Variants in DCC observed in about 807,000 individuals in gnomAD.
The protein encoded by DCC is DCC netrin 1 receptor.
Under a neutral mutation model 172.5 loss-of-function variants are expected in DCC, and 58 were observed. The ratio of observed to expected loss-of-function variants is 0.34; its 90% confidence interval spans 0.27 to 0.42. DCC has a LOEUF of 0.42. Among genes scored for constraint, DCC ranks in the 10% least tolerant of loss-of-function variants. The pLI, the probability that DCC is intolerant of heterozygous loss-of-function variation, is 1.00. For missense variants in DCC, 1,740 were observed against 1,791.0 expected (o/e 0.97, Z 0.51); for synonymous variants, 709 against 644.5 (o/e 1.10, Z -1.52).
chr18:52,419,223 A>G (rs756193451), intron 1 of DCC: 1 of 152,064 alleles, frequency 6.6e-6, no homozygotes, highest in Non-Finnish European at 1.5e-5. Context: ...AATGCTATTT[A>G]CCATCATGTT....
At position 53,402,899 on chromosome 18, in the gene DCC, C is replaced by T. The variant is rs1909404518; in HGVS notation, c.2935+6C>T. ...AGCCAATGGGAAAATTACTGGTAAG[C>T]ATCTCCACTTTCTCTCCCAGCATAG... On this transcript the variant is annotated splice_donor_region_variant and intron_variant, in intron 19 of 28. Transcript: ENST00000442544. 3 of 1,590,002 alleles carry T rather than the reference C, an allele frequency of 1.9e-6. No homozygotes were observed. Among genetic ancestry groups the T allele is most frequent in the Non-Finnish European group, 2.6e-6 (3 of 1,158,056 alleles).
At chr18:53,514,185 C>G (rs1293330954) in intron 27 of DCC, among the ~76,000 whole-genome samples, 1 of 152,134 alleles carries the variant, frequency 6.6e-6, no homozygotes, top group Non-Finnish European at 1.5e-5. Flanking sequence ...ACTGAACAAC[C>G]TGCTCCTGAA....
At chr18:53,332,072 G>A (rs895458829) in intron 14 of DCC, among the ~76,000 whole-genome samples, 3 of 152,086 alleles carry the variant, frequency 2.0e-5, no homozygotes, top group African/African-American at 7.2e-5. Context: ...TGGAGGACAT[G>A]GGAGAAGAAA....
intron 2 of DCC, among the ~76,000 whole-genome samples, chr18:52,825,818 C>T (rs146009707): frequency 1.4e-4 from 21 of 152,240 alleles, no homozygotes; most frequent in African/African-American, 4.1e-4. Flanking sequence ...ATAAAAGTTG[C>T]GCTGTGCTCA....
intron 12 of DCC, among the ~76,000 whole-genome samples, chr18:53,225,901 T>G (rs774301420): frequency 6.6e-6 from 1 of 152,072 alleles, no homozygotes; most frequent in African/African-American, 2.4e-5. Context: ...GGGGGATTAA[T>G]AGTTTTTGCA....
intron 12 of DCC, among the ~76,000 whole-genome samples, chr18:53,270,409 G>C (rs1214014167): frequency 6.6e-6 from 1 of 152,030 alleles, no homozygotes; most frequent in Non-Finnish European, 1.5e-5. Context: ...CATATAGGAA[G>C]AATAGAGTAT....
At chr18:53,069,096 A>T (rs1200473746) in intron 7 of DCC, among the ~76,000 whole-genome samples, 1 of 152,048 alleles carries the variant, frequency 6.6e-6, no homozygotes, top group Non-Finnish European at 1.5e-5. Flanking sequence ...GAAGTGTGAG[A>T]TGATGGAAGT....
In DCC at chr18:53,302,271, A is replaced by C. The variant is rs1292720139; in HGVS notation, c.1912-3307A>C. On this transcript the variant is annotated intron_variant, in intron 12 of 28. Coordinates refer to ENST00000442544, the MANE Select transcript of DCC (RefSeq NM_005215.4). ...GTCAAAATTCAGCCCATAAATATGT[A>C]TTTTGACAATTGTATCCATCTGAGT... is the stretch of plus-strand genomic sequence containing the variant. 3.3e-5 allele frequency among the ~76,000 whole-genome samples: 5 copies of C among 152,238 alleles called. No individual in the cohort carries two copies. In the East Asian group the frequency reaches 9.6e-4, roughly 29 times the overall value.
chr18:53,127,446 G>A (rs35458640), intron 7 of DCC, among the ~76,000 whole-genome samples: 33,284 of 151,834 alleles, frequency 0.22, 4,662 homozygotes, highest in African/African-American at 0.4. Flanking sequence ...AGATATTGCC[G>A]GTGTTCTCCC....
At chr18:53,094,670 C>T (rs546143922) in intron 7 of DCC, among the ~76,000 whole-genome samples, 1 of 152,202 alleles carries the variant, frequency 6.6e-6, no homozygotes, top group South Asian at 2.1e-4. Context: ...CTAATAGATA[C>T]AATATAGAGA....
chr18:53,139,085 A>G (rs1355856239), intron 7 of DCC, among the ~76,000 whole-genome samples: 1 of 152,204 alleles, frequency 6.6e-6, no homozygotes, highest in African/African-American at 2.4e-5. Flanking sequence ...CTCATAATGC[A>G]AAATTACAGT....
intron 1 of DCC, among the ~76,000 whole-genome samples, chr18:52,564,726 A>T (rs2033116853): frequency 6.6e-6 from 1 of 151,594 alleles, no homozygotes; most frequent in Admixed American, 6.6e-5. Flanking sequence ...AGAGTCACTT[A>T]AGTAAAATTT....
At chr18:52,484,274 C>A (rs2030100002) in intron 1 of DCC, among the ~76,000 whole-genome samples, 1 of 152,068 alleles carries the variant, frequency 6.6e-6, no homozygotes, top group African/African-American at 2.4e-5. Flanking sequence ...AGAGCTTTGT[C>A]TGAGTCTCAT....
At chr18:53,055,360 A>G (rs2042390031) in intron 5 of DCC, among the ~76,000 whole-genome samples, 1 of 152,176 alleles carries the variant, frequency 6.6e-6, no homozygotes, top group Non-Finnish European at 1.5e-5. Context: ...TGTGTCAGGA[A>G]AAAAGTTAAT....
At chr18:52,576,197 C>A (rs2033407563) in intron 1 of DCC, among the ~76,000 whole-genome samples, 1 of 152,278 alleles carries the variant, frequency 6.6e-6, no homozygotes, top group East Asian at 1.9e-4. Context: ...GACGCCATTA[C>A]AGAATGTTCC....
At chr18:52,699,145 C>T (rs568375238) in intron 1 of DCC, among the ~76,000 whole-genome samples, 5 of 152,212 alleles carry the variant, frequency 3.3e-5, no homozygotes, top group South Asian at 2.1e-4. Flanking sequence ...GCAAAATCTT[C>T]CACAAATATA....
chr18:52,500,137 A>G (rs578149686), intron 1 of DCC, among the ~76,000 whole-genome samples: 7 of 151,844 alleles, frequency 4.6e-5, no homozygotes, highest in South Asian at 2.1e-4. Flanking sequence ...GCTCACACCA[A>G]GGAGAAATGC....
chr18:53,502,844 T>A (rs1273169361), intron 27 of DCC, among the ~76,000 whole-genome samples: 1 of 152,150 alleles, frequency 6.6e-6, no homozygotes, highest in Non-Finnish European at 1.5e-5. Flanking sequence ...AATTTGCTTT[T>A]TTTTTTAAAT....
chr18:52,521,020 A>G (rs1008430257), intron 1 of DCC, among the ~76,000 whole-genome samples: 2 of 152,194 alleles, frequency 1.3e-5, no homozygotes, highest in Non-Finnish European at 2.9e-5. Context: ...TGTATTTTTC[A>G]GGCCAAAAAT....
Sources: gnomAD v4.1 joint callset for allele counts (sites outside exome capture counted in the v4.1 genomes callset) on GRCh38, gnomAD v4.1.1 for gene constraint, MANE v1.5 for transcripts, NCBI Gene and HGNC (gene_info 2026-07-23, HGNC 2026-07-21) for gene names.